The following SHISA6 variants were observed in gnomAD, a reference collection of about 807,000 sequenced individuals.
SHISA6 encodes the protein shisa family member 6.
In SHISA6, 22 loss-of-function variants were observed where a neutral mutation model predicts 47.9. The ratio of observed to expected loss-of-function variants is 0.46; its 90% CI spans 0.33 to 0.66. The LOEUF (loss-of-function observed/expected upper bound fraction) is 0.66. Ranked by LOEUF, SHISA6 falls within the 30% of genes least tolerant of loss-of-function variation. The pLI is 0.02. For synonymous variants in SHISA6, 388 were observed against 337.8 expected (o/e 1.15, Z -1.63); for missense variants, 680 against 764.6 (o/e 0.89, Z 1.30).
At chr17:11,525,170 G>A (rs2071665263) in intron 3 of SHISA6, among the ~76,000 whole-genome samples, 1 of 152,134 alleles carries the variant, frequency 6.6e-6, no homozygotes, top group East Asian at 1.9e-4. Context: ...TGTGGCCCAG[G>A]CATCTACTCA....
intron 3 of SHISA6, among the ~76,000 whole-genome samples, chr17:11,397,952 A>G (rs1913630902): frequency 6.6e-6 from 1 of 151,684 alleles, no homozygotes; most frequent in Admixed American, 6.6e-5. Context: ...TTCTTTCTCA[A>G]GTTCAATTAA....
chr17:11,242,088 G>A (rs1037833335), intron 1 of SHISA6, 28 bp downstream of exon 1: 1 of 1,548,120 alleles, frequency 6.5e-7, no homozygotes, highest in Admixed American at 2.0e-5. Context: ...CGCGCGCCCC[G>A]GTCTCCCCGC....
rs562324197 is a variant in SHISA6, at chr17:11,369,578, A to G, written c.800-9836A>G. On this transcript the variant is annotated intron_variant, in intron 2 of 5. Transcript: ENST00000441885. ...ATGCATCTGCAGGGTGACAAGAGGAAACTGACAATTCCTTCATTTCTTAAT... is the reference window on the plus strand; with the variant it reads ...ATGCATCTGCAGGGTGACAAGAGGAGACTGACAATTCCTTCATTTCTTAAT... 9.8e-5 allele frequency among the ~76,000 whole-genome samples: 15 copies of G among 152,316 alleles called. No homozygotes were observed. In the East Asian group the frequency reaches 1.2e-3, roughly 12 times the overall value.
At chr17:11,481,495 T>C (rs894241347) in intron 3 of SHISA6, among the ~76,000 whole-genome samples, 3 of 82,252 alleles carry the variant, frequency 3.6e-5, no homozygotes, top group African/African-American at 1.4e-4. Flanking sequence ...AAACTGAAGT[T>C]TGTTTTTTTT....
At chr17:11,343,571 G>A in intron 2 of SHISA6, among the ~76,000 whole-genome samples, 1 of 152,190 alleles carries the variant, frequency 6.6e-6, no homozygotes, top group East Asian at 1.9e-4. Context: ...CTGGGATGCT[G>A]AACTGGGGGG....
intron 2 of SHISA6, among the ~76,000 whole-genome samples, chr17:11,347,067 A>G (rs761368569): frequency 1.3e-5 from 2 of 152,192 alleles, no homozygotes; most frequent in Non-Finnish European, 2.9e-5. Context: ...TGATGAACAT[A>G]CAGAGTTTGG....
At chr17:11,400,630 A>G (rs931958548) in intron 3 of SHISA6, among the ~76,000 whole-genome samples, 2 of 152,160 alleles carry the variant, frequency 1.3e-5, no homozygotes, top group East Asian at 1.9e-4. Flanking sequence ...TCTTTCTTCA[A>G]TATGACTTTC....
chr17:11,301,884 G>T (rs1314021883), intron 2 of SHISA6, among the ~76,000 whole-genome samples: 1 of 152,204 alleles, frequency 6.6e-6, no homozygotes, highest in Non-Finnish European at 1.5e-5. Context: ...ACATACCAGA[G>T]ACTGGGAAGA....
intron 3 of SHISA6, among the ~76,000 whole-genome samples, chr17:11,389,334 G>A (rs1271379095): frequency 1.3e-5 from 2 of 152,182 alleles, no homozygotes; most frequent in African/African-American, 4.8e-5. Context: ...AAACTGCAAG[G>A]CTGCTTGCTT....
At chr17:11,551,834 T>A in intron 3 of SHISA6, 62 bp from the exon 4 acceptor site, 2 of 1,372,394 alleles carry the variant, frequency 1.5e-6, no homozygotes, top group South Asian at 2.5e-5. Context: ...GATGCTGTTA[T>A]GTTGGAGAGA....
intron 2 of SHISA6, among the ~76,000 whole-genome samples, chr17:11,337,234 T>A (rs1597464204): frequency 6.6e-6 from 1 of 151,906 alleles, no homozygotes; most frequent in Non-Finnish European, 1.5e-5. Context: ...ACGCAAATGG[T>A]TGGGAGGAAA....
chr17:11,549,820 C>T (rs2071914868), intron 3 of SHISA6, among the ~76,000 whole-genome samples: 2 of 152,134 alleles, frequency 1.3e-5, no homozygotes, highest in Admixed American at 1.3e-4. Flanking sequence ...ACAACAAAAC[C>T]TCATTGGAAC....
chr17:11,350,588 A>T (rs887095700), intron 2 of SHISA6, among the ~76,000 whole-genome samples: 1 of 152,032 alleles, frequency 6.6e-6, no homozygotes, highest in African/African-American at 2.4e-5. Flanking sequence ...TCTCAGTTCT[A>T]TCCCCTCTTC....
chr17:11,414,720 C>T (rs1382801065), intron 3 of SHISA6, among the ~76,000 whole-genome samples: 2 of 152,156 alleles, frequency 1.3e-5, no homozygotes, highest in African/African-American at 4.8e-5. Flanking sequence ...AGTCTGGATG[C>T]AGAAACTTGC....
intron 3 of SHISA6, among the ~76,000 whole-genome samples, chr17:11,517,147 A>G (rs2071592543): frequency 6.6e-6 from 1 of 152,180 alleles, no homozygotes; most frequent in Non-Finnish European, 1.5e-5. Flanking sequence ...TTCGTTTTCC[A>G]AGGTTAAGGA....
At chr17:11,462,192 C>T (rs1915708965) in intron 3 of SHISA6, among the ~76,000 whole-genome samples, 1 of 152,192 alleles carries the variant, frequency 6.6e-6, no homozygotes, top group Non-Finnish European at 1.5e-5. Flanking sequence ...CTTCTGTCCT[C>T]TCTGGGAGAG....
intron 3 of SHISA6, among the ~76,000 whole-genome samples, chr17:11,542,329 T>C (rs2071840794): frequency 9.7e-6 from 1 of 103,440 alleles, no homozygotes; most frequent in Admixed American, 1.1e-4. Flanking sequence ...TTCACAGTGC[T>C]ACAAGAAAAA....
At chr17:11,299,154 T>C (rs556152636) in intron 2 of SHISA6, among the ~76,000 whole-genome samples, 62 of 152,320 alleles carry the variant, frequency 4.1e-4, no homozygotes, top group African/African-American at 1.4e-3. Context: ...CATTTCTTCA[T>C]TGTGTCATTG....
chr17:11,448,346 A>G lies in SHISA6; in HGVS notation c.895+68837A>G, dbSNP rs374366195. Among the ~76,000 whole-genome samples the G allele has an allele frequency of 2.6e-4, 40 of 152,214 alleles. 1 individual carries two copies. In the East Asian group the frequency reaches 7.2e-3, roughly 27 times the overall value. On this transcript the variant is annotated intron_variant, in intron 3 of 5. Coordinates refer to ENST00000441885, the MANE Select transcript of SHISA6 (RefSeq NM_207386.4). ...GGAGTTCTAGACCAGCCTGGGCAAC[A>G]TAGTGAGACCCTGGCTCTAAAAAGA...
Sources: gnomAD v4.1 joint callset for allele counts (sites outside exome capture counted in the v4.1 genomes callset) on GRCh38, gnomAD v4.1.1 for gene constraint, MANE v1.5 for transcripts, NCBI Gene and HGNC (gene_info 2026-07-23, HGNC 2026-07-21) for gene names.